KAZN: variants seen among roughly 807,000 people sequenced by gnomAD.
KAZN encodes the protein kazrin, periplakin interacting protein, also known as kazrin.
In KAZN, 40 loss-of-function variants were observed where a neutral mutation model predicts 87.4. That is an observed-to-expected ratio of 0.46 (90% CI 0.36 to 0.60). The LOEUF is 0.60. Ranked by LOEUF, KAZN falls within the 20% of genes least tolerant of loss-of-function variation. The pLI is 0.00. For synonymous variants in KAZN, 466 were observed against 458.3 expected (o/e 1.02, Z -0.22); for missense variants, 898 against 1,073.9 (o/e 0.84, Z 2.29).
At chr1:14,707,334 C>T (rs2148815501) in intron 1 of KAZN, among the ~76,000 whole-genome samples, 1 of 152,320 alleles carries the variant, frequency 6.6e-6, no homozygotes, top group East Asian at 1.9e-4. Context: ...TCCACTCCAA[C>T]CACGGCACCT....
chr1:14,004,105 C>A (rs1425431440), intron 1 of KAZN, among the ~76,000 whole-genome samples: 4 of 149,650 alleles, frequency 2.7e-5, no homozygotes, highest in Admixed American at 6.7e-5. Context: ...CTAAACTGCC[C>A]AAAAAAAAAG....
At chr1:15,072,325 G>T (rs1328085003) in intron 8 of KAZN, among the ~76,000 whole-genome samples, 1 of 152,216 alleles carries the variant, frequency 6.6e-6, no homozygotes, top group Admixed American at 6.5e-5. Flanking sequence ...CGGGCTGTGT[G>T]TGTGAAGTTC....
At chr1:14,971,522 C>T (rs1291072074) in intron 2 of KAZN, among the ~76,000 whole-genome samples, 2 of 152,104 alleles carry the variant, frequency 1.3e-5, no homozygotes, top group Admixed American at 1.3e-4. Context: ...TTGGCAGGTA[C>T]TTCTTTGATT....
intron 1 of KAZN, among the ~76,000 whole-genome samples, chr1:13,967,809 G>A (rs74801594): frequency 0.01 from 1,542 of 152,286 alleles, 33 homozygotes; most frequent in African/African-American, 0.036. Context: ...TTCACTGGGC[G>A]GGGCTGGATC....
chr1:13,909,211 C>T (rs1044312050), intron 1 of KAZN, among the ~76,000 whole-genome samples: 2 of 152,148 alleles, frequency 1.3e-5, no homozygotes, highest in East Asian at 3.8e-4. Flanking sequence ...TTCACTGGTT[C>T]TTAAGTACCA....
rs929196066 is a variant in KAZN at position 14,070,246 on chromosome 1, G to A, written c.92-110189G>A. On this transcript the variant is annotated intron_variant, in intron 1 of 16. Coordinates refer to the KAZN transcript ENST00000636203. Reference sequence around the variant, plus strand: ...AAATAAGGTATGAAAATTAAAGGGAGGTGAAGGGATTAAGGTTTTTTTTAT... The same window carrying A: ...AAATAAGGTATGAAAATTAAAGGGAAGTGAAGGGATTAAGGTTTTTTTTAT... Among the ~76,000 whole-genome samples, 8 of 150,826 alleles carry A rather than the reference G, an allele frequency of 5.3e-5. 1 individual carries two copies. The South Asian group carries it at 1.7e-3, about 31-fold the overall frequency.
intron 2 of KAZN, among the ~76,000 whole-genome samples, chr1:14,432,275 T>C (rs938830607): frequency 5.9e-5 from 9 of 152,182 alleles, no homozygotes; most frequent in African/African-American, 9.7e-5. Flanking sequence ...TAAGTCACAG[T>C]TCAATTCTGC....
intron 2 of KAZN, among the ~76,000 whole-genome samples, chr1:15,015,189 T>A (rs1183519970): frequency 3.9e-5 from 6 of 151,974 alleles, no homozygotes; most frequent in African/African-American, 1.2e-4. Flanking sequence ...AGTCTCACTC[T>A]GTTGCCAGGC....
chr1:14,075,016 T>C (rs1006371609), intron 1 of KAZN, among the ~76,000 whole-genome samples: 1 of 152,200 alleles, frequency 6.6e-6, no homozygotes, highest in African/African-American at 2.4e-5. Context: ...CTACGACTTA[T>C]TTCTTATTTG....
At chr1:14,444,969 G>T (rs1048761514) in intron 2 of KAZN, among the ~76,000 whole-genome samples, 1 of 151,656 alleles carries the variant, frequency 6.6e-6, no homozygotes, top group Admixed American at 6.6e-5. Flanking sequence ...AGAGAAAGAG[G>T]TCTTTAATCA....
intron 2 of KAZN, among the ~76,000 whole-genome samples, chr1:14,518,639 G>A (rs1385235910): frequency 6.6e-6 from 1 of 152,172 alleles, no homozygotes; most frequent in African/African-American, 2.4e-5. Context: ...GTTGAGCTGT[G>A]TGACAGTGCT....
At chr1:15,102,086 T>G (rs1404217446) in intron 11 of KAZN, among the ~76,000 whole-genome samples, 1 of 152,138 alleles carries the variant, frequency 6.6e-6, no homozygotes, top group Non-Finnish European at 1.5e-5. Context: ...GAGAGCTAAG[T>G]GCTTACCAGA....
chr1:15,102,465 G>A (rs1641110645), intron 11 of KAZN, among the ~76,000 whole-genome samples: 1 of 152,150 alleles, frequency 6.6e-6, no homozygotes, highest in Non-Finnish European at 1.5e-5. Context: ...GTGGGGTGCT[G>A]GCTTTGAGGT....
chr1:14,324,427 C>T (rs993461360), intron 2 of KAZN, among the ~76,000 whole-genome samples: 2 of 152,144 alleles, frequency 1.3e-5, no homozygotes, highest in Non-Finnish European at 2.9e-5. Context: ...AAATCTCTGC[C>T]CCACAAAGTG....
intron 1 of KAZN, among the ~76,000 whole-genome samples, chr1:13,927,932 C>T (rs1485654556): frequency 6.6e-6 from 1 of 152,096 alleles, no homozygotes; most frequent in Non-Finnish European, 1.5e-5. Context: ...GGGCAGGGCC[C>T]CTGCAAAGAT....
chr1:14,140,221 T>C (rs1645206608), intron 1 of KAZN, among the ~76,000 whole-genome samples: 1 of 152,044 alleles, frequency 6.6e-6, no homozygotes, highest in African/African-American at 2.4e-5. Context: ...AAGTGTGATT[T>C]TGGACAAGCT....
intron 8 of KAZN, chr1:15,067,508 T>C: frequency 3.0e-6 from 3 of 985,476 alleles, no homozygotes; most frequent in Non-Finnish European, 2.4e-6. Context: ...TTGCTTCTGC[T>C]CGTCCTTAAC....
intron 1 of KAZN, among the ~76,000 whole-genome samples, chr1:13,965,408 C>T (rs1309015537): frequency 6.6e-6 from 1 of 152,058 alleles, no homozygotes. Context: ...GTGTATAGCT[C>T]GGTGCTCAGG....
intron 1 of KAZN, among the ~76,000 whole-genome samples, chr1:14,952,581 G>T (rs1397493215): frequency 6.6e-6 from 1 of 152,018 alleles, no homozygotes; most frequent in African/African-American, 2.4e-5. Flanking sequence ...TGATATTTGG[G>T]CGTGAGGCTG....
Sources: allele counts gnomAD v4.1 joint callset (sites outside exome capture counted in the v4.1 genomes callset), GRCh38; gene constraint gnomAD v4.1.1; transcripts MANE v1.5; gene names NCBI Gene and HGNC (gene_info 2026-07-23, HGNC 2026-07-21).